Variants in SORCS1 observed in about 807,000 individuals in gnomAD.
SORCS1 encodes the protein sortilin related VPS10 domain containing receptor 1, also known as VPS10 domain-containing receptor SorCS1.
In SORCS1, 60 loss-of-function variants were observed where a neutral mutation model predicts 146.1. The observed-to-expected ratio is 0.41, with a 90% CI of 0.33 to 0.51. SORCS1 has a LOEUF of 0.51. Ranked by LOEUF, SORCS1 falls within the 20% of genes least tolerant of loss-of-function variation. The pLI is 0.21. For missense variants in SORCS1, 1,352 were observed against 1,487.6 expected, an observed-to-expected ratio of 0.91 and a Z score of 1.50; for synonymous variants, 637 against 584.0, an observed-to-expected ratio of 1.09 and a Z score of -1.31.
At position 107,127,101 on chromosome 10, in the gene SORCS1, A is replaced by G. The variant is rs11193207; in HGVS notation, c.558+36868T>C. ...TGTTTGTGGCAGGCTGATTATTCAAAGATATGTAATTGCATAAAACAAAAA... is the reference window on the plus strand; with the variant it reads ...TGTTTGTGGCAGGCTGATTATTCAAGGATATGTAATTGCATAAAACAAAAA... On this transcript the variant is annotated intron_variant, in intron 1 of 25. Coordinates refer to ENST00000263054, the MANE Select transcript of SORCS1 (RefSeq NM_052918.5). 5.3e-4 allele frequency among the ~76,000 whole-genome samples: 80 copies of G among 149,592 alleles called. 1 individual carries two copies. The East Asian group carries it at 0.014, about 26-fold the overall frequency.
chr10:107,117,408 CAG>C (rs1250074969), intron 1 of SORCS1, among the ~76,000 whole-genome samples: 3 of 152,190 alleles, frequency 2.0e-5, no homozygotes, highest in Non-Finnish European at 2.9e-5. Flanking sequence ...AGGTTCAAAA[CAG>C]GGGATCATTG....
intron 10 of SORCS1, among the ~76,000 whole-genome samples, chr10:106,684,213 C>A (rs1333463355): frequency 4.6e-5 from 7 of 152,156 alleles, no homozygotes; most frequent in Non-Finnish European, 1.0e-4. Flanking sequence ...TGGCACACAC[C>A]TGTAATCCCA....
At chr10:106,619,638 G>T (rs1313870197) in intron 20 of SORCS1, among the ~76,000 whole-genome samples, 1 of 152,154 alleles carries the variant, frequency 6.6e-6, no homozygotes, top group Non-Finnish European at 1.5e-5. Flanking sequence ...AGACCATGCA[G>T]CCTGGTGTAG....
At chr10:106,843,791 T>C (rs1949175955) in intron 2 of SORCS1, among the ~76,000 whole-genome samples, 1 of 152,220 alleles carries the variant, frequency 6.6e-6, no homozygotes, top group Non-Finnish European at 1.5e-5. Flanking sequence ...ATACATTTTC[T>C]TTATCCATTG....
chr10:107,145,676 G>A (rs1425977253), intron 1 of SORCS1, among the ~76,000 whole-genome samples: 1 of 152,038 alleles, frequency 6.6e-6, no homozygotes, highest in Non-Finnish European at 1.5e-5. Flanking sequence ...AATAAATCAA[G>A]GTCAGACAAT....
chr10:107,042,649 G>A (rs1250607652), intron 1 of SORCS1, among the ~76,000 whole-genome samples: 2 of 144,628 alleles, frequency 1.4e-5, no homozygotes, highest in Non-Finnish European at 3.0e-5. Context: ...CACTCTTCTT[G>A]CCAAGGCTGG....
intron 5 of SORCS1, among the ~76,000 whole-genome samples, chr10:106,744,042 T>C (rs979014048): frequency 2.0e-5 from 3 of 152,206 alleles, no homozygotes; most frequent in Non-Finnish European, 2.9e-5. Flanking sequence ...TATTCTATAG[T>C]TGACTTAACT....
At chr10:107,140,211 G>T (rs1232162509) in intron 1 of SORCS1, among the ~76,000 whole-genome samples, 5 of 152,124 alleles carry the variant, frequency 3.3e-5, no homozygotes, top group African/African-American at 1.2e-4. Context: ...TCAAGTTTCA[G>T]CCACCAAACT....
chr10:106,580,921 G>A (rs1210376382), intron 24 of SORCS1, among the ~76,000 whole-genome samples: 2 of 151,978 alleles, frequency 1.3e-5, no homozygotes, highest in East Asian at 1.9e-4. Flanking sequence ...GAACCCCCCC[G>A]CTATTTTCTC....
intron 1 of SORCS1, among the ~76,000 whole-genome samples, chr10:107,084,092 GT>G (rs34590427): frequency 0.27 from 30,166 of 113,594 alleles, 3,907 homozygotes; most frequent in Middle Eastern, 0.46. Context: ...GTTGTTTTTT[GT>G]TTTTTTTTTT....
At chr10:107,167,263 C>T (rs1434401381), upstream of SORCS1, among the ~76,000 whole-genome samples, 1 of 152,162 alleles carries the variant, frequency 6.6e-6, no homozygotes, top group Non-Finnish European at 1.5e-5. Context: ...AAATTATTCC[C>T]CTTATCTAGA....
chr10:106,642,655 CT>C (rs773431306), intron 18 of SORCS1, among the ~76,000 whole-genome samples: 10 of 152,050 alleles, frequency 6.6e-5, no homozygotes, highest in Non-Finnish European at 1.3e-4. Context: ...ACCCAAGCCT[CT>C]GAAGAAATAC....
At chr10:106,973,953 A>T (rs1333129457) in intron 1 of SORCS1, among the ~76,000 whole-genome samples, 1 of 152,216 alleles carries the variant, frequency 6.6e-6, no homozygotes, top group Non-Finnish European at 1.5e-5. Context: ...AATAAAGATA[A>T]AGGTGATGTC....
chr10:107,083,104 A>G (rs921434053), intron 1 of SORCS1, among the ~76,000 whole-genome samples: 4 of 139,474 alleles, frequency 2.9e-5, no homozygotes, highest in African/African-American at 8.2e-5. Context: ...GTAAGACTCC[A>G]ACTCACAAAA....
At chr10:106,961,714 T>G (rs1002837524) in intron 1 of SORCS1, among the ~76,000 whole-genome samples, 4 of 152,168 alleles carry the variant, frequency 2.6e-5, no homozygotes, top group Non-Finnish European at 5.9e-5. Context: ...CTCCCACCAG[T>G]GCCATGACAG....
At chr10:107,057,601 CT>C (rs1960769722) in intron 1 of SORCS1, among the ~76,000 whole-genome samples, 1 of 152,200 alleles carries the variant, frequency 6.6e-6, no homozygotes, top group Non-Finnish European at 1.5e-5. Context: ...CCTCTCTCTT[CT>C]GTTGTCCTCT....
At chr10:106,689,238 G>C (rs1044656848) in intron 9 of SORCS1, among the ~76,000 whole-genome samples, 4 of 152,098 alleles carry the variant, frequency 2.6e-5, no homozygotes, top group African/African-American at 9.7e-5. Context: ...GCAAATAATT[G>C]TGCATTACAT....
intron 2 of SORCS1, among the ~76,000 whole-genome samples, chr10:106,829,992 T>G (rs4390282): frequency 0.29 from 44,664 of 152,134 alleles, 7,633 homozygotes; most frequent in Non-Finnish European, 0.39. Context: ...TAAAGAGTTT[T>G]TAGTCAGATA....
chr10:107,120,801 A>G (rs1966358758), intron 1 of SORCS1, among the ~76,000 whole-genome samples: 2 of 152,186 alleles, frequency 1.3e-5, no homozygotes, highest in African/African-American at 4.8e-5. Flanking sequence ...AACCCATTTA[A>G]TTCCCATACT....
Sources: allele counts gnomAD v4.1 joint callset (sites outside exome capture counted in the v4.1 genomes callset), GRCh38; gene constraint gnomAD v4.1.1; transcripts MANE v1.5; gene names NCBI Gene and HGNC (gene_info 2026-07-23, HGNC 2026-07-21).